ADAMTSL3: variants seen among roughly 807,000 people sequenced by gnomAD.
ADAMTSL3 encodes ADAMTS like 3.
ADAMTSL3 carries 128 observed loss-of-function variants against 201.7 expected under a neutral mutation model. The observed-to-expected ratio is 0.63, with a 90% CI of 0.55 to 0.73. ADAMTSL3 has a LOEUF of 0.73. Among genes scored for constraint, ADAMTSL3 ranks in the 30% least tolerant of loss-of-function variants. The probability of loss-of-function intolerance (pLI) is 0.00; values close to 1 mark genes in which losing one functional copy is unlikely to be tolerated. For synonymous variants in ADAMTSL3, 738 were observed against 748.4 expected (o/e 0.99, Z 0.23); for missense variants, 1,990 against 2,119.6 (o/e 0.94, Z 1.20).
intron 17 of ADAMTSL3, among the ~76,000 whole-genome samples, chr15:83,930,631 G>T (rs1223213901): frequency 6.6e-6 from 1 of 152,166 alleles, no homozygotes; most frequent in Admixed American, 6.5e-5. Context: ...TAATAGAGCA[G>T]ACAACATGTC....
At chr15:83,990,268 C>T (rs1461453324) in intron 22 of ADAMTSL3, among the ~76,000 whole-genome samples, 1 of 152,162 alleles carries the variant, frequency 6.6e-6, no homozygotes, top group African/African-American at 2.4e-5. Flanking sequence ...TTCTCCAGTA[C>T]AGCTTTGAAT....
intron 2 of ADAMTSL3, among the ~76,000 whole-genome samples, chr15:83,702,397 T>C (rs1346085983): frequency 6.6e-6 from 1 of 152,184 alleles, no homozygotes; most frequent in Non-Finnish European, 1.5e-5. Context: ...TTCCCAGAAC[T>C]ATGGGGAAAA....
At chr15:83,657,837 C>A (rs1421619388) in intron 2 of ADAMTSL3, among the ~76,000 whole-genome samples, 1 of 152,150 alleles carries the variant, frequency 6.6e-6, no homozygotes, top group African/African-American at 2.4e-5. Context: ...AGAAAAGGTT[C>A]TAATGAAGGG....
At chr15:83,908,677 C>T (rs1445397808) in intron 15 of ADAMTSL3, among the ~76,000 whole-genome samples, 3 of 152,110 alleles carry the variant, frequency 2.0e-5, no homozygotes, top group Non-Finnish European at 4.4e-5. Context: ...GCTTTTTGTG[C>T]CTAGACACCT....
At chr15:83,759,693 G>A (rs2062778130) in intron 3 of ADAMTSL3, among the ~76,000 whole-genome samples, 1 of 152,186 alleles carries the variant, frequency 6.6e-6, no homozygotes, top group Non-Finnish European at 1.5e-5. Context: ...GCACAGCAAA[G>A]ATGGGATTTA....
chr15:83,982,542 C>T lies in ADAMTSL3; in HGVS notation c.2914C>T (p.Leu972Phe). ...GTCAGGCTCACTAAAAATCCATGGT[C>T]TTGCTGCCCCCGACATCGGCGTGTA... is the stretch of plus-strand genomic sequence containing the variant. Reference protein sequence around the residue: ...TKSGSLKIHGLAAPDIGVYRC... With the variant: ...TKSGSLKIHGFAAPDIGVYRC... The change falls in exon 21 of 30, where the codon CTT (leucine) becomes TTT (phenylalanine). Residue 972 changes from leucine (L) to phenylalanine (F), a missense_variant. Transcript: ENST00000286744. 1 of 1,614,228 alleles carries T rather than the reference C, an allele frequency of 6.2e-7. No individual in the cohort carries two copies. Among genetic ancestry groups the T allele is most frequent in the Non-Finnish European group, 8.5e-7 (1 of 1,180,036 alleles).
chr15:83,729,090 G>A (rs938388146), intron 3 of ADAMTSL3, among the ~76,000 whole-genome samples: 5 of 151,990 alleles, frequency 3.3e-5, no homozygotes, highest in Non-Finnish European at 5.9e-5. Flanking sequence ...CTCTCTCCTG[G>A]CCTGTAAATT....
rs962178575 is a variant in ADAMTSL3 at position 83,850,389 on chromosome 15, T to A, written c.728-8377T>A. On this transcript the variant is annotated intron_variant, in intron 7 of 29. Transcript: ENST00000286744. ...CCCATCTTAAATAAAAGTATAATTT[T>A]AAAAATGTCTATGTATATACATGTA... Among the ~76,000 whole-genome samples, 5 of 151,854 alleles carry A rather than the reference T, an allele frequency of 3.3e-5. No individual in the cohort carries two copies. In the East Asian group the frequency reaches 7.7e-4, roughly 23 times the overall value.
chr15:83,900,413 A>G (rs1235209328), intron 15 of ADAMTSL3, among the ~76,000 whole-genome samples: 1 of 152,246 alleles, frequency 6.6e-6, no homozygotes, highest in Non-Finnish European at 1.5e-5. Flanking sequence ...GCAGTTATAT[A>G]GGGACAAAAA....
At chr15:83,903,996 C>G (rs1057267244) in intron 15 of ADAMTSL3, among the ~76,000 whole-genome samples, 2 of 149,878 alleles carry the variant, frequency 1.3e-5, no homozygotes, top group African/African-American at 4.9e-5. Flanking sequence ...GGTTCAGGCC[C>G]CATATTCATT....
intron 19 of ADAMTSL3, among the ~76,000 whole-genome samples, chr15:83,951,708 A>C (rs1012827158): frequency 2.0e-5 from 3 of 152,044 alleles, no homozygotes; most frequent in Non-Finnish European, 4.4e-5. Flanking sequence ...TGGTCTGTTC[A>C]GGTTTTGGAT....
intron 23 of ADAMTSL3, among the ~76,000 whole-genome samples, chr15:84,006,376 A>G (rs904336176): frequency 3.3e-5 from 5 of 152,234 alleles, no homozygotes; most frequent in Admixed American, 6.5e-5. Flanking sequence ...AAAAAAATAT[A>G]GGTATAATAT....
intron 19 of ADAMTSL3, among the ~76,000 whole-genome samples, chr15:83,947,451 A>T (rs182849319): frequency 6.6e-6 from 1 of 152,338 alleles, no homozygotes; most frequent in East Asian, 1.9e-4. Flanking sequence ...AGGAGCCTTC[A>T]GTTCTTACAC....
At chr15:83,762,056 A>AT (rs11448050) in intron 3 of ADAMTSL3, among the ~76,000 whole-genome samples, 19,105 of 145,118 alleles carry the variant, frequency 0.13, 1,732 homozygotes, top group African/African-American at 0.27. Flanking sequence ...CCAGAATATG[A>AT]TTTTTTTTTT....
In ADAMTSL3 at chr15:83,665,149, G is replaced by A. The variant is rs564613200; in HGVS notation, c.69+9319G>A. ...GTGGAGAGTTAGCTGTGGACAAGAG[G>A]ATATGAACGTGGGGATGATGTTAGA... On this transcript the variant is annotated intron_variant, in intron 2 of 29. Transcript: ENST00000286744. Among the ~76,000 whole-genome samples the A allele has an allele frequency of 3.0e-4, 46 of 152,278 alleles. No individual in the cohort carries two copies. In the South Asian group the frequency reaches 8.9e-3, roughly 30 times the overall value.
chr15:83,903,564 C>A (rs749801397), intron 15 of ADAMTSL3, among the ~76,000 whole-genome samples: 4 of 152,042 alleles, frequency 2.6e-5, no homozygotes, highest in Admixed American at 6.6e-5. Context: ...CCACTGGATC[C>A]GATCGTCCCT....
chr15:83,668,243 T>C (rs567975674), intron 2 of ADAMTSL3, among the ~76,000 whole-genome samples: 1 of 152,212 alleles, frequency 6.6e-6, no homozygotes, highest in Admixed American at 6.5e-5. Context: ...AGTTAATATT[T>C]TTGAAAAAGA....
intron 9 of ADAMTSL3, among the ~76,000 whole-genome samples, chr15:83,872,571 A>C (rs1031123613): frequency 1.3e-5 from 2 of 149,026 alleles, no homozygotes; most frequent in Non-Finnish European, 3.0e-5. Flanking sequence ...GGGCCTTCCT[A>C]TGTGATTCTC....
intron 3 of ADAMTSL3, among the ~76,000 whole-genome samples, chr15:83,757,326 C>G (rs2062737484): frequency 6.6e-6 from 1 of 152,256 alleles, no homozygotes; most frequent in Admixed American, 6.5e-5. Flanking sequence ...TTCTTGACTT[C>G]TCTGCACCCA....
Sources: gnomAD v4.1 joint callset for allele counts (sites outside exome capture counted in the v4.1 genomes callset) on GRCh38, gnomAD v4.1.1 for gene constraint, MANE v1.5 for transcripts, NCBI Gene and HGNC (gene_info 2026-07-23, HGNC 2026-07-21) for gene names.